The following GPC5 variants were observed in gnomAD, a reference collection of about 807,000 sequenced individuals.
GPC5 encodes the protein glypican-5.
GPC5 carries 47 observed loss-of-function variants against 53.9 expected under a neutral mutation model. That is an observed-to-expected ratio of 0.87 (90% CI 0.69 to 1.11). The LOEUF is 1.11. Ranked by LOEUF, GPC5 falls within the 50% of genes most tolerant of loss-of-function variation. The probability of loss-of-function intolerance (pLI) is 0.00; values close to 1 mark genes in which losing one functional copy is unlikely to be tolerated. For missense variants in GPC5, 748 were observed against 713.1 expected (o/e 1.05, Z -0.56); for synonymous variants, 286 against 263.3 (o/e 1.09, Z -0.84).
chr13:92,213,145 A>G (rs2042387002), intron 7 of GPC5, among the ~76,000 whole-genome samples: 1 of 152,198 alleles, frequency 6.6e-6, no homozygotes, highest in Admixed American at 6.5e-5. Context: ...CAGACAAATG[A>G]TCAAATAGTT....
At chr13:92,136,384 T>C (rs74106132) in intron 6 of GPC5, among the ~76,000 whole-genome samples, 4,329 of 120,508 alleles carry the variant, frequency 0.036, 178 homozygotes, top group African/African-American at 0.11. Flanking sequence ...CTATACATGA[T>C]ATATTATTTA....
chr13:92,385,969 T>A (rs1047851601), intron 7 of GPC5, among the ~76,000 whole-genome samples: 12 of 151,502 alleles, frequency 7.9e-5, no homozygotes, highest in Admixed American at 5.3e-4. Context: ...CATAAAACAA[T>A]CCTATTTCTA....
At chr13:91,775,569 A>G (rs1386927547) in intron 5 of GPC5, among the ~76,000 whole-genome samples, 2 of 152,196 alleles carry the variant, frequency 1.3e-5, no homozygotes, top group Non-Finnish European at 2.9e-5. Context: ...ACATCCAGGC[A>G]TACAAAATGC....
At chr13:92,710,127 T>C (rs1010799800) in intron 7 of GPC5, among the ~76,000 whole-genome samples, 1 of 152,194 alleles carries the variant, frequency 6.6e-6, no homozygotes, top group African/African-American at 2.4e-5. Context: ...CCAAACGTTT[T>C]AATTGTCATA....
At chr13:92,034,292 T>G (rs2040876226) in intron 6 of GPC5, among the ~76,000 whole-genome samples, 1 of 152,026 alleles carries the variant, frequency 6.6e-6, no homozygotes, top group African/African-American at 2.4e-5. Flanking sequence ...GGTCAGGAGT[T>G]CAAGACCAGC....
At chr13:91,738,246 C>T (rs1045538270) in intron 4 of GPC5, among the ~76,000 whole-genome samples, 3 of 151,412 alleles carry the variant, frequency 2.0e-5, no homozygotes, top group African/African-American at 4.9e-5. Flanking sequence ...CAGAGCCTTT[C>T]CTGTGTCTTC....
At chr13:91,941,181 G>T (rs566767910) in intron 6 of GPC5, among the ~76,000 whole-genome samples, 1 of 151,996 alleles carries the variant, frequency 6.6e-6, no homozygotes, top group African/African-American at 2.4e-5. Context: ...TTATTTCACT[G>T]CTCTCTATTT....
At chr13:92,602,702 C>T (rs1247436031) in intron 7 of GPC5, among the ~76,000 whole-genome samples, 1 of 152,068 alleles carries the variant, frequency 6.6e-6, no homozygotes, top group Admixed American at 6.5e-5. Flanking sequence ...CTTCTAACAA[C>T]CAATTCCAAG....
intron 6 of GPC5, among the ~76,000 whole-genome samples, chr13:91,997,221 G>T (rs370834747): frequency 6.6e-6 from 1 of 152,004 alleles, no homozygotes; most frequent in East Asian, 1.9e-4. Flanking sequence ...CTGATATGTC[G>T]TACTGTCAAT....
At position 92,544,207 on chromosome 13, in the gene GPC5, A is replaced by G. The variant is rs531830429; in HGVS notation, c.1562-322075A>G. On this transcript the variant is annotated intron_variant, in intron 7 of 7. Coordinates refer to ENST00000377067, the MANE Select transcript of GPC5 (RefSeq NM_004466.6). ...TTGCTTAGTATTTCCATCACCACCC[A>G]TCCTGGTTGTGATAATTAACAGAAA... Among the ~76,000 whole-genome samples, 303 of 152,164 alleles carry G rather than the reference A, an allele frequency of 2.0e-3. 1 individual carries two copies. Among genetic ancestry groups the G allele is most frequent in the African/African-American group, 7.0e-3 (291 of 41,534 alleles).
At chr13:91,444,490 T>C (rs1190451099) in intron 1 of GPC5, among the ~76,000 whole-genome samples, 6 of 152,212 alleles carry the variant, frequency 3.9e-5, no homozygotes, top group Non-Finnish European at 8.8e-5. Context: ...TAGTGTTTGT[T>C]TTTCTGAACA....
chr13:92,020,256 A>G (rs1263990091), intron 6 of GPC5, among the ~76,000 whole-genome samples: 1 of 152,110 alleles, frequency 6.6e-6, no homozygotes. Flanking sequence ...GCTGATTACC[A>G]AGCTTAATTC....
At chr13:91,874,176 C>A (rs923929799) in intron 5 of GPC5, among the ~76,000 whole-genome samples, 1 of 152,164 alleles carries the variant, frequency 6.6e-6, no homozygotes, top group African/African-American at 2.4e-5. Context: ...GTTTAGGCCT[C>A]CTGTCCTAGA....
chr13:91,601,206 G>A (rs142930435), intron 2 of GPC5, among the ~76,000 whole-genome samples: 2 of 152,260 alleles, frequency 1.3e-5, no homozygotes, highest in African/African-American at 4.8e-5. Context: ...ATAGAAATAT[G>A]TACCTAACTC....
intron 5 of GPC5, among the ~76,000 whole-genome samples, chr13:91,833,523 C>G (rs571703571): frequency 6.6e-6 from 1 of 152,282 alleles, no homozygotes; most frequent in East Asian, 1.9e-4. Flanking sequence ...AAACCAAATC[C>G]AGCAGCACAT....
chr13:92,204,455 C>G (rs1196086726), intron 7 of GPC5, among the ~76,000 whole-genome samples: 3 of 152,128 alleles, frequency 2.0e-5, no homozygotes, highest in Admixed American at 2.0e-4. Flanking sequence ...ATGGTACAGT[C>G]CCTCAGACTG....
At chr13:92,390,897 A>C (rs1874971570) in intron 7 of GPC5, among the ~76,000 whole-genome samples, 2 of 152,160 alleles carry the variant, frequency 1.3e-5, no homozygotes, top group Non-Finnish European at 2.9e-5. Flanking sequence ...GCTTTGGTTC[A>C]ACTGGTCACA....
intron 6 of GPC5, among the ~76,000 whole-genome samples, chr13:91,990,648 C>G (rs1377669017): frequency 6.6e-6 from 1 of 152,094 alleles, no homozygotes; most frequent in African/African-American, 2.4e-5. Flanking sequence ...GTAATTCAGT[C>G]AACAAGTGCC....
intron 6 of GPC5, among the ~76,000 whole-genome samples, chr13:92,051,178 G>A (rs535165920): frequency 5.3e-5 from 8 of 150,682 alleles, no homozygotes; most frequent in South Asian, 2.1e-4. Flanking sequence ...GAAGAGAGGA[G>A]AGACTGCATT....
Sources: gnomAD v4.1 joint callset for allele counts (sites outside exome capture counted in the v4.1 genomes callset) on GRCh38, gnomAD v4.1.1 for gene constraint, MANE v1.5 for transcripts, NCBI Gene and HGNC (gene_info 2026-07-23, HGNC 2026-07-21) for gene names.